Variants in BCAS3 observed in about 807,000 individuals in gnomAD.
The protein encoded by BCAS3 is BCAS4/BCAS3 fusion.
Under a neutral mutation model 116.1 loss-of-function variants are expected in BCAS3, and 53 were observed. The ratio of observed to expected loss-of-function variants is 0.46; its 90% CI spans 0.37 to 0.57. The LOEUF (loss-of-function observed/expected upper bound fraction) is 0.57, where lower values mean the gene tolerates loss of function less well. Ranked by LOEUF, BCAS3 falls within the 20% of genes least tolerant of loss-of-function variation. The pLI is 0.00. For synonymous variants in BCAS3, 391 were observed against 408.2 expected (o/e 0.96, Z 0.51); for missense variants, 917 against 1,165.4 (o/e 0.79, Z 3.10).
At chr17:60,782,067 C>T (rs1031098723) in intron 6 of BCAS3, among the ~76,000 whole-genome samples, 12 of 152,146 alleles carry the variant, frequency 7.9e-5, no homozygotes, top group Non-Finnish European at 1.6e-4. Flanking sequence ...GAAACCTATA[C>T]CTGCTACATA....
At position 60,968,912 on chromosome 17, in the gene BCAS3, A is replaced by G. The variant is rs767045464; in HGVS notation, c.1222-21059A>G. Among the ~76,000 whole-genome samples the G allele has an allele frequency of 3.4e-4, 51 of 151,940 alleles. 1 individual carries two copies. The highest frequency in any genetic ancestry group is 1.0e-4 in the Non-Finnish European group (7 of 68,016). ...ACTTCCTGCCAGTTAAGGCAAGGAT[A>G]GTTTTCCTGCCAGAGCACCCAAGAT... On this transcript the variant is annotated intron_variant, in intron 14 of 23. Transcript: ENST00000407086.
intron 22 of BCAS3, among the ~76,000 whole-genome samples, chr17:61,107,665 C>A (rs2074756639): frequency 6.6e-6 from 1 of 152,154 alleles, no homozygotes; most frequent in South Asian, 2.1e-4. Flanking sequence ...TGAGGTCCAT[C>A]CAAGTTATTG....
intron 7 of BCAS3, among the ~76,000 whole-genome samples, chr17:60,843,673 A>G (rs1326170298): frequency 3.9e-5 from 6 of 152,194 alleles, no homozygotes; most frequent in Non-Finnish European, 8.8e-5. Flanking sequence ...GGCTTATATT[A>G]GCTATTTAAA....
intron 6 of BCAS3, among the ~76,000 whole-genome samples, chr17:60,781,918 C>G (rs548640008): frequency 6.4e-4 from 98 of 152,222 alleles, no homozygotes; most frequent in African/African-American, 2.3e-3. Flanking sequence ...GGAAAATTCT[C>G]TGTCATTTAT....
chr17:60,871,607 T>G (rs1455814470), intron 8 of BCAS3, among the ~76,000 whole-genome samples: 3 of 139,178 alleles, frequency 2.2e-5, no homozygotes, highest in Non-Finnish European at 4.8e-5. Context: ...TTTGTTTTTG[T>G]TTTTTTTTTT....
chr17:60,717,217 CTTTT>C (rs568833782), intron 5 of BCAS3, among the ~76,000 whole-genome samples: 26 of 133,936 alleles, frequency 1.9e-4, no homozygotes, highest in African/African-American at 8.2e-4. Flanking sequence ...TCTTCTTCTT[CTTTT>C]TTTTTTTTTT....
chr17:60,809,632 A>T (rs1313250574), intron 7 of BCAS3, among the ~76,000 whole-genome samples: 1 of 152,204 alleles, frequency 6.6e-6, no homozygotes, highest in African/African-American at 2.4e-5. Flanking sequence ...TGCCAGCATT[A>T]TCTGCAGAAA....
intron 6 of BCAS3, among the ~76,000 whole-genome samples, chr17:60,802,083 A>G (rs905599177): frequency 5.3e-5 from 8 of 151,996 alleles, no homozygotes; most frequent in Non-Finnish European, 1.0e-4. Flanking sequence ...CAAGGCAAGC[A>G]GATCACCTGA....
intron 13 of BCAS3, among the ~76,000 whole-genome samples, chr17:60,938,223 A>T (rs2060039141): frequency 6.6e-6 from 1 of 152,176 alleles, no homozygotes; most frequent in African/African-American, 2.4e-5. Flanking sequence ...AAAGGACCTA[A>T]AATAGCCAAA....
chr17:61,158,021 G>A (rs1479942122), intron 22 of BCAS3, among the ~76,000 whole-genome samples: 1 of 151,938 alleles, frequency 6.6e-6, no homozygotes, highest in Non-Finnish European at 1.5e-5. Context: ...CTAGTTTTCT[G>A]TTTGCTTCTC....
At chr17:61,237,584 G>A (rs2083166975) in intron 22 of BCAS3, among the ~76,000 whole-genome samples, 1 of 152,134 alleles carries the variant, frequency 6.6e-6, no homozygotes, top group Non-Finnish European at 1.5e-5. Context: ...TCACCTCGAA[G>A]GTCCGCAGCT....
chr17:61,081,693 T>C (rs2072622596), intron 21 of BCAS3, among the ~76,000 whole-genome samples: 1 of 152,202 alleles, frequency 6.6e-6, no homozygotes, highest in Non-Finnish European at 1.5e-5. Context: ...ATAGATTTTA[T>C]TCACATCAAT....
rs1174016996 is a variant in BCAS3 at position 60,802,283 on chromosome 17, CAA to C, written c.404-5709_404-5708del. 2.0e-3 allele frequency among the ~76,000 whole-genome samples: 212 copies of C among 107,906 alleles called. 4 individuals are homozygous for C. Among genetic ancestry groups the C allele is most frequent in the African/African-American group, 5.9e-3 (155 of 26,416 alleles). 70.8% of individuals were successfully genotyped at this position (107,906 alleles called of 152,430 possible). ...TGTGCAACAGAGTGAGACTCTGTCT[CAA>C]AAAAAAAAAAATATATATATATATA... On this transcript the variant is annotated intron_variant, in intron 6 of 23. Transcript: ENST00000407086.
At chr17:61,294,833 G>A (rs1458538965) in intron 22 of BCAS3, among the ~76,000 whole-genome samples, 2 of 152,166 alleles carry the variant, frequency 1.3e-5, no homozygotes, top group African/African-American at 4.8e-5. Flanking sequence ...ACCATCATAA[G>A]GCAGTTTCTC....
At chr17:61,373,181 C>CA in intron 23 of BCAS3, among the ~76,000 whole-genome samples, 1 of 150,924 alleles carries the variant, frequency 6.6e-6, no homozygotes, top group African/African-American at 2.4e-5. Context: ...ACCTCCGTCT[C>CA]TGGGTTCAAG....
At chr17:60,707,209 T>C (rs911604163) in intron 4 of BCAS3, among the ~76,000 whole-genome samples, 8 of 152,066 alleles carry the variant, frequency 5.3e-5, no homozygotes, top group African/African-American at 1.9e-4. Context: ...GTCAGGCTGG[T>C]CTCGAATTCC....
At position 60,925,480 on chromosome 17, in the gene BCAS3, T is replaced by C. The variant is rs371212806; in HGVS notation, c.1087+980T>C. Among the ~76,000 whole-genome samples the C allele has an allele frequency of 3.5e-4, 54 of 152,344 alleles. No individual in the cohort carries two copies. The East Asian group carries it at 7.9e-3, about 22-fold the overall frequency. On this transcript the variant is annotated intron_variant, in intron 13 of 23. Transcript: ENST00000407086. ...CATTATTGGAAATAGGTTTTTCTTATGGAGATTAACAAGTACTCTACAGTA... is the reference window on the plus strand; with the variant it reads ...CATTATTGGAAATAGGTTTTTCTTACGGAGATTAACAAGTACTCTACAGTA...
chr17:61,266,179 A>G (rs995922276), intron 22 of BCAS3, among the ~76,000 whole-genome samples: 1 of 152,216 alleles, frequency 6.6e-6, no homozygotes, highest in African/African-American at 2.4e-5. Context: ...TGTAACAACC[A>G]AATTAGCAAA....
chr17:60,782,240 C>T (rs1490192116), intron 6 of BCAS3, among the ~76,000 whole-genome samples: 2 of 152,088 alleles, frequency 1.3e-5, no homozygotes, highest in East Asian at 1.9e-4. Context: ...TTAATAATTG[C>T]CTGCTGTATT....
Sources: allele counts gnomAD v4.1 joint callset (sites outside exome capture counted in the v4.1 genomes callset), GRCh38; gene constraint gnomAD v4.1.1; transcripts MANE v1.5; gene names NCBI Gene and HGNC (gene_info 2026-07-23, HGNC 2026-07-21).